CYTH1: variants seen among roughly 807,000 people sequenced by gnomAD.
CYTH1 encodes the protein cytohesin-1.
CYTH1 carries 18 observed loss-of-function variants against 61.8 expected under a neutral mutation model. The ratio of observed to expected loss-of-function variants is 0.29; its 90% CI spans 0.20 to 0.43. The LOEUF (loss-of-function observed/expected upper bound fraction) is 0.43. CYTH1 is among the 20% of genes least tolerant of loss of function. CYTH1 has a pLI of 1.00. For missense variants in CYTH1, 336 were observed against 510.5 expected, an observed-to-expected ratio of 0.66 and a Z score of 3.29; for synonymous variants, 174 against 184.3, an observed-to-expected ratio of 0.94 and a Z score of 0.45.
intron 1 of CYTH1, among the ~76,000 whole-genome samples, chr17:78,769,507 T>A (rs1173651811): frequency 6.6e-6 from 1 of 152,122 alleles, no homozygotes; most frequent in Non-Finnish European, 1.5e-5. Context: ...TCCAGTGCCA[T>A]CCCAGCGCCA....
At chr17:78,771,365 A>G (rs2093470687) in intron 1 of CYTH1, among the ~76,000 whole-genome samples, 1 of 152,162 alleles carries the variant, frequency 6.6e-6, no homozygotes, top group Non-Finnish European at 1.5e-5. Context: ...GCCTGAACCC[A>G]GGAGGCAGAG....
intron 3 of CYTH1, among the ~76,000 whole-genome samples, chr17:78,707,833 A>G (rs2093084908): frequency 6.6e-6 from 1 of 152,040 alleles, no homozygotes; most frequent in Non-Finnish European, 1.5e-5. Context: ...GGTGTGCACC[A>G]CCACACCCGT....
intron 13 of CYTH1, chr17:78,676,449 C>T (rs895164494): frequency 2.2e-6 from 1 of 452,596 alleles, no homozygotes; most frequent in Non-Finnish European, 4.0e-6. Flanking sequence ...CAGAATCATA[C>T]CACATTCTTA....
intron 1 of CYTH1, among the ~76,000 whole-genome samples, chr17:78,719,110 C>G (rs1388471824): frequency 6.6e-6 from 1 of 152,160 alleles, no homozygotes; most frequent in Non-Finnish European, 1.5e-5. Context: ...GCATGGGTGC[C>G]TCACCCAACT....
Position 78,708,234 on chromosome 17 carries a change from C to T in CYTH1, c.133G>A (p.Ala45Thr), listed in dbSNP as rs749938915. ...QRLKDEIAEV[A>T]NEIENLGSTE... ...GATCCCAGGTTTTCAATTTCATTAG[C>T]TACTTCTGCTATCTCATCCTTCAGC... The change falls in exon 3 of 14, where the codon GCT (alanine) becomes ACT (threonine). Residue 45 changes from alanine to threonine, a missense_variant. Around this residue, in one of 4 missense-constraint regions of CYTH1, gnomAD observed 112 missense variants for 127.1 expected, o/e 0.88. Transcript: ENST00000446868. 4 of 1,613,600 alleles carry T rather than the reference C, an allele frequency of 2.5e-6. 1 individual carries two copies. Among genetic ancestry groups the T allele is most frequent in the South Asian group, 2.2e-5 (2 of 91,010 alleles).
At chr17:78,698,080 T>C (rs919121995) in intron 9 of CYTH1, among the ~76,000 whole-genome samples, 189 bp downstream of exon 9, 8 of 152,194 alleles carry the variant, frequency 5.3e-5, no homozygotes, top group African/African-American at 1.9e-4. Context: ...AGCCACCCCC[T>C]TTCCTACATG....
chr17:78,743,027 G>C (rs1271427367), intron 1 of CYTH1, among the ~76,000 whole-genome samples: 2 of 152,272 alleles, frequency 1.3e-5, no homozygotes, highest in Admixed American at 6.5e-5. Flanking sequence ...TATTTATTTA[G>C]TGTGGGCATT....
chr17:78,680,043 C>T (rs1435074233), intron 13 of CYTH1, 147 bp downstream of exon 13: 20 of 1,109,330 alleles, frequency 1.8e-5, no homozygotes, highest in Admixed American at 1.2e-4. Flanking sequence ...CCTGGGAAGC[C>T]GTCAGCTGGG....
chr17:78,773,325 T>C (rs2093478821), intron 1 of CYTH1, among the ~76,000 whole-genome samples: 2 of 151,874 alleles, frequency 1.3e-5, no homozygotes, highest in Admixed American at 6.6e-5. Context: ...AGAAAAATTA[T>C]AGTTTCAAAA....
chr17:78,708,299 G>C (rs1166679550), intron 2 of CYTH1, 38 bp from the exon 3 acceptor site: 1 of 1,570,222 alleles, frequency 6.4e-7, no homozygotes, highest in Non-Finnish European at 8.6e-7. Context: ...AGGAAAGGCA[G>C]ATGCAGATCA....
chr17:78,749,439 G>A (rs2093371119), intron 1 of CYTH1, among the ~76,000 whole-genome samples: 1 of 152,054 alleles, frequency 6.6e-6, no homozygotes, highest in Non-Finnish European at 1.5e-5. Context: ...CAGTCTGGGT[G>A]ACAGATTGAG....
rs1158203012 is a variant in CYTH1, at chr17:78,700,902, C to G, written c.438-459G>C. Among the ~76,000 whole-genome samples the G allele has an allele frequency of 6.6e-6, 1 of 152,108 alleles. No homozygotes were observed. Among genetic ancestry groups the G allele is most frequent in the Non-Finnish European group, 1.5e-5 (1 of 68,024 alleles). On this transcript the variant is annotated intron_variant, in intron 6 of 13. Coordinates refer to ENST00000446868, the MANE Select transcript of CYTH1 (RefSeq NM_004762.6). This position sits in a 1 kb window ranked among gnomAD's most constrained non-coding sequence, Gnocchi z 5.1. ...AGCCTTCTGTTACTGTAACTCTGAACAGATGCAAAGTTGCCATCCACACCA... is the reference window on the plus strand; with the variant it reads ...AGCCTTCTGTTACTGTAACTCTGAAGAGATGCAAAGTTGCCATCCACACCA...
At chr17:78,696,160 TG>T (rs2092935916) in intron 9 of CYTH1, 151 bp from the exon 10 acceptor site, 1 of 1,188,912 alleles carries the variant, frequency 8.4e-7, no homozygotes, top group African/African-American at 1.6e-5. Flanking sequence ...GGGAGAGAGC[TG>T]AACTAAAAAC....
chr17:78,744,863 G>C, intron 1 of CYTH1, among the ~76,000 whole-genome samples: 2 of 130,206 alleles, frequency 1.5e-5, no homozygotes, highest in East Asian at 4.6e-4. Context: ...AAAAAAAAAA[G>C]AAAACCTAAA....
In CYTH1 at chr17:78,681,052, A is replaced by G; in HGVS notation, c.892-10T>C. ...CACGGGGCTCCTTATCCTACAGAAC[A>G]GTTGAAGAGAGGAAGTTTAAGATCA... On this transcript the variant is annotated splice_polypyrimidine_tract_variant and intron_variant, in intron 11 of 13. Coordinates refer to ENST00000446868, the MANE Select transcript of CYTH1 (RefSeq NM_004762.6). 6.2e-7 allele frequency: 1 copy of G among 1,611,580 alleles called. No homozygotes were observed. Among genetic ancestry groups the G allele is most frequent in the Non-Finnish European group, 8.5e-7 (1 of 1,179,232 alleles).
At position 78,700,528 on chromosome 17, in the gene CYTH1, TTTC is replaced by T; in HGVS notation, c.438-88_438-86del. On this transcript the variant is annotated intron_variant, in intron 6 of 13. Transcript: ENST00000446868. This position sits in a 1 kb window ranked among gnomAD's most constrained non-coding sequence, Gnocchi z 5.1. ...TTGTTAAACTGCCAATGATTTTTTT[TTTC>T]TTTTTTTTTTTGAGATGGAGTCTCA... is the stretch of plus-strand genomic sequence containing the variant. 15 of 1,172,134 alleles carry T rather than the reference TTTC, an allele frequency of 1.3e-5. No homozygotes were observed. The East Asian group carries it at 3.2e-4, about 25-fold the overall frequency. 72.6% of individuals were successfully genotyped at this position (1,172,134 alleles called of 1,614,324 possible).
At position 78,733,526 on chromosome 17, in the gene CYTH1, G is replaced by A. The variant is rs868226052; in HGVS notation, c.23-23794C>T. On this transcript the variant is annotated intron_variant, in intron 1 of 13. Transcript: ENST00000446868. ...CGTTTACTGAGCATCTGCCATAGGC[G>A]CAGCCTGTGCTTGGAGCTGGGATTT... Among the ~76,000 whole-genome samples, 10 of 152,218 alleles carry A rather than the reference G, an allele frequency of 6.6e-5. No homozygotes were observed. In the Middle Eastern group the frequency reaches 0.02, roughly 311 times the overall value.
At chr17:78,720,100 G>T (rs1598879237) in intron 1 of CYTH1, among the ~76,000 whole-genome samples, 1 of 152,106 alleles carries the variant, frequency 6.6e-6, no homozygotes, top group Non-Finnish European at 1.5e-5. Flanking sequence ...TGGGGAGAGG[G>T]GGAGTGGGAG....
chr17:78,711,312 T>TACACACACAC (rs1250252067), intron 1 of CYTH1, among the ~76,000 whole-genome samples: 1 of 132,110 alleles, frequency 7.6e-6, no homozygotes, highest in Admixed American at 7.7e-5. Flanking sequence ...AATATATATA[T>TACACACACAC]ATACACACAC....
Sources: allele counts gnomAD v4.1 joint callset (sites outside exome capture counted in the v4.1 genomes callset), GRCh38; gene constraint gnomAD v4.1.1; regional missense constraint gnomAD v4.1.1; non-coding constraint Gnocchi (gnomAD v3.1); transcripts MANE v1.5; gene names NCBI Gene and HGNC (gene_info 2026-07-23, HGNC 2026-07-21).